Variants in SEZ6L observed in about 807,000 individuals in gnomAD.
SEZ6L encodes the protein seizure related 6 homolog like, also known as seizure 6-like protein.
In SEZ6L, 37 loss-of-function variants were observed where a neutral mutation model predicts 106.2. The observed-to-expected ratio is 0.35, with a 90% CI of 0.27 to 0.46. The LOEUF is 0.46. Ranked by LOEUF, SEZ6L falls within the 20% of genes least tolerant of loss-of-function variation. SEZ6L has a pLI of 1.00. For synonymous variants in SEZ6L, 541 were observed against 570.4 expected (o/e 0.95, Z 0.73); for missense variants, 1,172 against 1,332.8 (o/e 0.88, Z 1.88).
chr22:26,286,163 C>T (rs1205096642), intron 1 of SEZ6L, among the ~76,000 whole-genome samples: 3 of 152,170 alleles, frequency 2.0e-5, no homozygotes, highest in African/African-American at 4.8e-5. Flanking sequence ...GTCAGTCCTG[C>T]GTCCTAAAGG....
chr22:26,186,494 G>A (rs1258607220), intron 1 of SEZ6L, among the ~76,000 whole-genome samples: 2 of 152,094 alleles, frequency 1.3e-5, no homozygotes, highest in African/African-American at 2.4e-5. Context: ...GCAGAGTAGG[G>A]GTGGGGAGGT....
chr22:26,351,433 A>T (rs2083274705), intron 12 of SEZ6L, 190 bp downstream of exon 12: 1 of 516,708 alleles, frequency 1.9e-6, no homozygotes, highest in Admixed American at 3.6e-5. Flanking sequence ...CAGTAAATTT[A>T]TCACGCGTTG....
intron 1 of SEZ6L, among the ~76,000 whole-genome samples, chr22:26,240,068 ACACACACACACACACACACACACT>A (rs1446972711): frequency 4.8e-5 from 3 of 62,412 alleles, no homozygotes; most frequent in African/African-American, 2.1e-4. Context: ...ACACATACAG[ACACACACACACACACACACACACT>A]CACACACACA....
At chr22:26,172,726 C>G in intron 1 of SEZ6L, among the ~76,000 whole-genome samples, 1 of 152,236 alleles carries the variant, frequency 6.6e-6, no homozygotes, top group Admixed American at 6.5e-5. Flanking sequence ...TCCCCTCCCT[C>G]TTTCTGATTA....
chr22:26,380,058 G>A (rs2084364135), intron 16 of SEZ6L, among the ~76,000 whole-genome samples: 1 of 152,186 alleles, frequency 6.6e-6, no homozygotes, highest in Non-Finnish European at 1.5e-5. Context: ...CAGGATGTGA[G>A]CAGAAACACA....
At chr22:26,288,813 G>A (rs745887585) in intron 1 of SEZ6L, among the ~76,000 whole-genome samples, 13 of 152,162 alleles carry the variant, frequency 8.5e-5, no homozygotes, top group Admixed American at 2.6e-4. Flanking sequence ...GTGTGCAGAT[G>A]ACACAACTTG....
At chr22:26,218,622 T>G (rs943621540) in intron 1 of SEZ6L, among the ~76,000 whole-genome samples, 1 of 152,192 alleles carries the variant, frequency 6.6e-6, no homozygotes, top group Non-Finnish European at 1.5e-5. Flanking sequence ...GTCAACATGG[T>G]GAAACTCTGT....
rs754318303 is a variant in SEZ6L, at chr22:26,292,748, G to T, written c.437G>T (p.Gly146Val). The T allele has an allele frequency of 2.8e-5, 45 of 1,614,052 alleles. No homozygotes were observed. The highest frequency in any genetic ancestry group is 2.7e-4 in the South Asian group (25 of 91,076). ...TCCGCAGCCACTGTCCAAAGGGCAG[G>T]GTCCCAGCCAGCGTCCCAGGGCCTA... ...ATSAATVQRAGSQPASQGLDL... is the reference protein window; with the variant it reads ...ATSAATVQRAVSQPASQGLDL... Residue 146 changes from glycine (G) to valine (V), a missense_variant, in exon 2 of 17, where the codon GGG becomes GTG. Transcript: ENST00000248933.
chr22:26,210,405 A>G (rs764203906), intron 1 of SEZ6L, among the ~76,000 whole-genome samples: 1 of 152,024 alleles, frequency 6.6e-6, no homozygotes, highest in African/African-American at 2.4e-5. Flanking sequence ...CTAATAAAGG[A>G]CAGAACATTA....
At chr22:26,179,714 T>G (rs1373065386) in intron 1 of SEZ6L, among the ~76,000 whole-genome samples, 4 of 152,040 alleles carry the variant, frequency 2.6e-5, no homozygotes, top group Non-Finnish European at 1.5e-5. Flanking sequence ...TCCAGGACTC[T>G]CTCCACTTCT....
chr22:26,194,576 T>C (rs1258577283), intron 1 of SEZ6L, among the ~76,000 whole-genome samples: 1 of 152,178 alleles, frequency 6.6e-6, no homozygotes, highest in Non-Finnish European at 1.5e-5. Context: ...CAGCAATGAA[T>C]CAACCATTGG....
chr22:26,313,571 TACACACACAC>T (rs56086023), intron 8 of SEZ6L, among the ~76,000 whole-genome samples, 183 bp from the exon 9 acceptor site: 2 of 103,890 alleles, frequency 1.9e-5, no homozygotes, highest in Non-Finnish European at 3.8e-5. Flanking sequence ...ATTTAATCAT[TACACACACAC>T]ACACACACAC....
intron 2 of SEZ6L, 128 bp downstream of exon 2, chr22:26,293,274 G>T: frequency 7.7e-7 from 1 of 1,304,140 alleles, no homozygotes; most frequent in East Asian, 2.6e-5. Flanking sequence ...ATTGAGCACT[G>T]ACTATGAGCT....
intron 1 of SEZ6L, among the ~76,000 whole-genome samples, chr22:26,203,261 C>T (rs995617524): frequency 6.6e-6 from 1 of 152,208 alleles, no homozygotes; most frequent in African/African-American, 2.4e-5. Context: ...GTGCCATGCA[C>T]CTTTGACTGG....
chr22:26,372,413 A>G (rs545929333), intron 13 of SEZ6L, among the ~76,000 whole-genome samples: 131 of 152,070 alleles, frequency 8.6e-4, no homozygotes, highest in African/African-American at 2.9e-3. Context: ...CAATCTTTCC[A>G]TTTTCTTGAT....
intron 1 of SEZ6L, among the ~76,000 whole-genome samples, chr22:26,285,472 C>G (rs1357601044): frequency 6.6e-6 from 1 of 152,222 alleles, no homozygotes; most frequent in Non-Finnish European, 1.5e-5. Context: ...CAGATCACCT[C>G]TGTGTTGTGT....
chr22:26,292,914 A>T lies in SEZ6L; in HGVS notation c.603A>T (p.Gln201His). 6.2e-7 allele frequency: 1 copy of T among 1,614,084 alleles called. No individual in the cohort carries two copies. The highest frequency in any genetic ancestry group is 8.5e-7 in the Non-Finnish European group (1 of 1,180,006). ...SAVPTTPAPL[Q>H]ISPFTSQPYV... ...TCCCTACAACACCCGCACCCCTGCA[A>T]ATCTCCCCCTTCACTTCGCAGCCCT... Residue 201 changes from glutamine to histidine, a missense_variant, in exon 2 of 17, where the codon CAA becomes CAT. Transcript: ENST00000248933.
intron 10 of SEZ6L, among the ~76,000 whole-genome samples, chr22:26,341,442 C>T (rs1169936174): frequency 6.6e-6 from 1 of 152,120 alleles, no homozygotes; most frequent in African/African-American, 2.4e-5. Flanking sequence ...CCTGGAGGGT[C>T]CCAGGCTCCA....
chr22:26,209,559 G>C (rs1185940542), intron 1 of SEZ6L, among the ~76,000 whole-genome samples: 1 of 151,276 alleles, frequency 6.6e-6, no homozygotes, highest in Non-Finnish European at 1.5e-5. Flanking sequence ...AGGGAGGGAG[G>C]AGAGAAGGAA....
Sources: gnomAD v4.1 joint callset for allele counts (sites outside exome capture counted in the v4.1 genomes callset) on GRCh38, gnomAD v4.1.1 for gene constraint, MANE v1.5 for transcripts, NCBI Gene and HGNC (gene_info 2026-07-23, HGNC 2026-07-21) for gene names.